The following RUFY1 variants were observed in gnomAD, a reference collection of about 807,000 sequenced individuals.
The protein encoded by RUFY1 is RUN and FYVE domain containing 1, also known as RUN and FYVE domain-containing protein 1.
Under a neutral mutation model 94.6 loss-of-function variants are expected in RUFY1, and 54 were observed. The ratio of observed to expected loss-of-function variants is 0.57; its 90% CI spans 0.46 to 0.72. RUFY1 has a LOEUF of 0.72. Ranked by LOEUF, RUFY1 falls within the 30% of genes least tolerant of loss-of-function variation. RUFY1 has a pLI of 0.00. For missense variants in RUFY1, 883 were observed against 883.9 expected (o/e 1.00, Z 0.01); for synonymous variants, 396 against 347.3 (o/e 1.14, Z -1.56).
chr5:179,597,528 G>A (rs1371327658), intron 13 of RUFY1, among the ~76,000 whole-genome samples: 2 of 152,022 alleles, frequency 1.3e-5, no homozygotes, highest in Non-Finnish European at 1.5e-5. Flanking sequence ...GAGCCACTGC[G>A]CCCAGCCTAA....
At position 179,609,607 on chromosome 5, in the gene RUFY1, T is replaced by C. The variant is rs8087; in HGVS notation, c.*88T>C. On this transcript the variant is annotated 3_prime_UTR_variant, in exon 18 of 18. Transcript: ENST00000319449. ...TGGGAAATGTGTTCTTTCCCAAGAGTATCAAAGGAAAGAATCAAATTTCTT... is the reference window on the plus strand; with the variant it reads ...TGGGAAATGTGTTCTTTCCCAAGAGCATCAAAGGAAAGAATCAAATTTCTT... 7.9e-7 allele frequency: 1 copy of C among 1,271,952 alleles called. No homozygotes were observed. Among genetic ancestry groups the C allele is most frequent in the Non-Finnish European group, 1.0e-6 (1 of 956,686 alleles). 78.8% of individuals were successfully genotyped at this position (1,271,952 alleles called of 1,614,324 possible).
At position 179,598,737 on chromosome 5, in the gene RUFY1, G is replaced by A; in HGVS notation, c.1677G>A (p.Gln559=). 1 of 1,614,106 alleles carries A rather than the reference G, an allele frequency of 6.2e-7. No individual in the cohort carries two copies. The highest frequency in any genetic ancestry group is 1.3e-5 in the African/African-American group (1 of 75,038). ...KELKSEKEQR[Q]ALQRELQHEK... is the part of the protein sequence containing the mutation. Reference sequence around the variant, plus strand: ...TGAAATCAGAAAAAGAGCAAAGACAGGCTCTTCAGCGCGAATTACAGCACG... The same window carrying A: ...TGAAATCAGAAAAAGAGCAAAGACAAGCTCTTCAGCGCGAATTACAGCACG... Residue 559 remains glutamine, a synonymous_variant, in exon 14 of 18, where the codon CAG becomes CAA. Transcript: ENST00000319449.
intron 14 of RUFY1, 41 bp from the exon 15 acceptor site, chr5:179,601,851 G>C: frequency 1.1e-6 from 1 of 890,678 alleles, no homozygotes; most frequent in Non-Finnish European, 1.8e-6. Context: ...AAAGGACCGT[G>C]TAATCCTCTG....
At chr5:179,555,644 T>C in intron 1 of RUFY1, 1 of 319,484 alleles carries the variant, frequency 3.1e-6, no homozygotes, top group South Asian at 2.2e-5. Context: ...TTTTTTTTTT[T>C]TTGAGCCGGC....
At chr5:179,595,553 GTT>G (rs60336370) in intron 12 of RUFY1, among the ~76,000 whole-genome samples, 27 of 139,798 alleles carry the variant, frequency 1.9e-4, no homozygotes, top group African/African-American at 2.1e-4. Context: ...GTTTGTTCTT[GTT>G]TTTTTTTTTT....
intron 6 of RUFY1, among the ~76,000 whole-genome samples, chr5:179,577,693 G>A (rs1763750811): frequency 6.6e-6 from 1 of 151,136 alleles, no homozygotes; most frequent in Non-Finnish European, 1.5e-5. Flanking sequence ...GGGTTGGACT[G>A]TGTGATTGGG....
intron 2 of RUFY1, among the ~76,000 whole-genome samples, chr5:179,560,976 C>A (rs558871781): frequency 1.3e-5 from 2 of 152,020 alleles, no homozygotes; most frequent in African/African-American, 4.8e-5. Context: ...CTTGGGAGGC[C>A]GAGACGGAAG....
At chr5:179,597,215 G>A (rs1324832568) in intron 13 of RUFY1, among the ~76,000 whole-genome samples, 1 of 151,528 alleles carries the variant, frequency 6.6e-6, no homozygotes, top group Non-Finnish European at 1.5e-5. Context: ...AACACACCCG[G>A]CTAATTTTTG....
chr5:179,609,615 G>T lies in RUFY1; in HGVS notation c.*96G>T. 1 of 1,251,886 alleles carries T rather than the reference G, an allele frequency of 8.0e-7. No individual in the cohort carries two copies. 77.5% of individuals were successfully genotyped at this position (1,251,886 alleles called of 1,614,324 possible). ...GTGTTCTTTCCCAAGAGTATCAAAG[G>T]AAAGAATCAAATTTCTTGCCCGGTC... On this transcript the variant is annotated 3_prime_UTR_variant, in exon 18 of 18. Coordinates refer to ENST00000319449, the MANE Select transcript of RUFY1 (RefSeq NM_025158.5).
intron 2 of RUFY1, among the ~76,000 whole-genome samples, chr5:179,561,400 G>A (rs1762442175): frequency 6.6e-6 from 1 of 151,908 alleles, no homozygotes; most frequent in South Asian, 2.1e-4. Context: ...TTAAAGGTCA[G>A]ATGAGGAGTT....
intron 16 of RUFY1, 95 bp downstream of exon 16, chr5:179,606,019 G>T: frequency 1.2e-6 from 1 of 842,910 alleles, no homozygotes; most frequent in Non-Finnish European, 2.0e-6. Flanking sequence ...AGGTGAGAGC[G>T]TGTGGTTGAG....
At chr5:179,573,229 G>A (rs10076298) in intron 5 of RUFY1, among the ~76,000 whole-genome samples, 19,661 of 151,924 alleles carry the variant, frequency 0.13, 1,456 homozygotes, top group Middle Eastern at 0.22. Context: ...AATATTTCTG[G>A]GCCATCCATT....
intron 9 of RUFY1, among the ~76,000 whole-genome samples, chr5:179,590,524 G>T (rs988449041): frequency 6.6e-6 from 1 of 151,170 alleles, no homozygotes. Context: ...TCCCTCTGTC[G>T]CCCAGGCTGG....
At chr5:179,578,378 T>C (rs749464209) in intron 6 of RUFY1, among the ~76,000 whole-genome samples, 20 of 151,874 alleles carry the variant, frequency 1.3e-4, no homozygotes, top group Non-Finnish European at 2.6e-4. Flanking sequence ...CATGCCTGGC[T>C]AATTTTTTTT....
chr5:179,608,947 G>A (rs529395726), intron 17 of RUFY1, among the ~76,000 whole-genome samples: 41 of 147,588 alleles, frequency 2.8e-4, no homozygotes, highest in African/African-American at 8.5e-4. Context: ...GCCGGGCGCG[G>A]TGTTTCACGC....
chr5:179,550,634 C>T lies in RUFY1; in HGVS notation c.65C>T (p.Pro22Leu), dbSNP rs543376156. Residue 22 changes from proline (P) to leucine (L), a missense_variant, in exon 1 of 18, where the codon CCG (proline) becomes CTG (leucine). Pro to Leu is a moderately conservative substitution (Grantham distance 98). Transcript: ENST00000319449. ...CGGGAGCTGGAGCCGGAGCTGGAGC[C>T]GGGGCCGGGGCCCGGGTCAGCGCTT... ...RGRELEPELE[P>L]GPGPGSALEP... is the part of the protein sequence containing the mutation. 11 of 1,378,750 alleles carry T rather than the reference C, an allele frequency of 8.0e-6. No homozygotes were observed. The highest frequency in any genetic ancestry group is 2.7e-5 in the South Asian group (2 of 72,834). 85.4% of individuals were successfully genotyped at this position (1,378,750 alleles called of 1,614,324 possible).
At chr5:179,594,772 A>C (rs971408272) in intron 11 of RUFY1, 94 bp from the exon 12 acceptor site, 1 of 647,692 alleles carries the variant, frequency 1.5e-6, no homozygotes, top group Non-Finnish European at 2.5e-6. Flanking sequence ...AAAAAAAAAA[A>C]AAAAAAAAAA....
At position 179,596,626 on chromosome 5, in the gene RUFY1, C is replaced by G. The variant is rs978178737; in HGVS notation, c.1576C>G (p.Leu526Val). 1 of 1,612,896 alleles carries G rather than the reference C, an allele frequency of 6.2e-7. No homozygotes were observed. The highest frequency in any genetic ancestry group is 1.7e-5 in the Admixed American group (1 of 59,930). Residue 526 changes from leucine (L) to valine (V), a missense_variant, in exon 13 of 18, where the codon CTG (leucine) becomes GTG (valine). By Grantham distance (32) the Leu-to-Val change is conservative. Transcript: ENST00000319449. ...EERSHKLQQE[L>V]GGRIGALQLQ... ...GCGGAGCCACAAGCTGCAGCAGGAG[C>G]TGGGCGGGAGGATCGGCGCCCTGCA...
chr5:179,554,025 G>A (rs1188298801), intron 1 of RUFY1, among the ~76,000 whole-genome samples: 3 of 152,158 alleles, frequency 2.0e-5, no homozygotes, highest in African/African-American at 7.2e-5. Context: ...CAGGATGGGA[G>A]AAAGACAGTG....
Sources: gnomAD v4.1 joint callset for allele counts (sites outside exome capture counted in the v4.1 genomes callset) on GRCh38, gnomAD v4.1.1 for gene constraint, MANE v1.5 for transcripts, NCBI Gene and HGNC (gene_info 2026-07-23, HGNC 2026-07-21) for gene names.